RBFOX1: variants seen among roughly 807,000 people sequenced by gnomAD.
The protein encoded by RBFOX1 is RNA binding fox-1 homolog 1, also known as RNA binding protein fox-1 homolog 1.
Under a neutral mutation model 57.7 loss-of-function variants are expected in RBFOX1, and 8 were observed. That is an observed-to-expected ratio of 0.14 (90% CI 0.08 to 0.25). The LOEUF (loss-of-function observed/expected upper bound fraction) is 0.25, where lower values mean the gene tolerates loss of function less well. Ranked by LOEUF, RBFOX1 falls within the 10% of genes least tolerant of loss-of-function variation. The probability of loss-of-function intolerance (pLI) is 1.00; values close to 1 mark genes in which losing one functional copy is unlikely to be tolerated. For missense variants in RBFOX1, 611 were observed against 548.5 expected, an observed-to-expected ratio of 1.11 and a Z score of -1.14; for synonymous variants, 326 against 222.4, an observed-to-expected ratio of 1.47 and a Z score of -4.15.
Position 6,503,181 on chromosome 16 carries a change from T to G in RBFOX1, c.-63-151422T>G, listed in dbSNP as rs149648881. The stretch of plus-strand genomic sequence containing the variant: ...ATACTACCAATTTATTATATGTGAT[T>G]TTTTTATTATTTGTTTTCATAACAT... On this transcript the variant is annotated intron_variant, in intron 2 of 15. Coordinates refer to ENST00000550418, the MANE Select transcript of RBFOX1 (RefSeq NM_018723.4). Among the ~76,000 whole-genome samples the G allele has an allele frequency of 7.0e-3, 1,015 of 145,830 alleles. 9 individuals carry two copies. Among genetic ancestry groups the G allele is most frequent in the African/African-American group, 0.024 (955 of 40,286 alleles).
chr16:7,341,150 T>TCA (rs776376084), intron 4 of RBFOX1, among the ~76,000 whole-genome samples: 1 of 152,232 alleles, frequency 6.6e-6, no homozygotes, highest in East Asian at 1.9e-4. Context: ...GATAGACCTC[T>TCA]CACACACACA....
chr16:6,864,587 C>T (rs373376651), intron 3 of RBFOX1, among the ~76,000 whole-genome samples: 59 of 148,022 alleles, frequency 4.0e-4, no homozygotes, highest in African/African-American at 1.4e-3. Context: ...TACATCAAAA[C>T]AGGCTGGATG....
chr16:7,224,497 G>A (rs1217397987), intron 4 of RBFOX1, among the ~76,000 whole-genome samples: 1 of 151,438 alleles, frequency 6.6e-6, no homozygotes, highest in East Asian at 1.9e-4. Flanking sequence ...TAAAAATACT[G>A]CTACCTGGGA....
chr16:6,509,597 G>C (rs891508964), intron 2 of RBFOX1, among the ~76,000 whole-genome samples: 1 of 152,162 alleles, frequency 6.6e-6, no homozygotes, highest in Non-Finnish European at 1.5e-5. Context: ...TAGTTAAAAA[G>C]AACGAATAAG....
intron 3 of RBFOX1, among the ~76,000 whole-genome samples, chr16:5,652,598 C>T (rs572828396): frequency 3.0e-4 from 46 of 152,326 alleles, no homozygotes; most frequent in Middle Eastern, 6.8e-3. Flanking sequence ...AGTCTTTGCA[C>T]GTCCTCCTCT....
chr16:6,735,483 A>G (rs937322791), intron 3 of RBFOX1, among the ~76,000 whole-genome samples: 1 of 152,242 alleles, frequency 6.6e-6, no homozygotes. Flanking sequence ...TTCAGAGTAT[A>G]CATATTTCAA....
intron 2 of RBFOX1, among the ~76,000 whole-genome samples, chr16:5,504,852 G>T (rs1235778755): frequency 6.6e-6 from 1 of 152,214 alleles, no homozygotes; most frequent in African/African-American, 2.4e-5. Flanking sequence ...GCTGACCCCT[G>T]TGGAGAAGGA....
intron 3 of RBFOX1, among the ~76,000 whole-genome samples, chr16:6,817,311 C>G (rs1486163722): frequency 1.3e-5 from 2 of 152,020 alleles, no homozygotes; most frequent in Non-Finnish European, 1.5e-5. Flanking sequence ...TAACCAAAGC[C>G]CCTCTCCCAT....
intron 3 of RBFOX1, among the ~76,000 whole-genome samples, chr16:6,857,459 C>G (rs1352502078): frequency 1.3e-5 from 2 of 152,182 alleles, no homozygotes; most frequent in Non-Finnish European, 2.9e-5. Flanking sequence ...TTTCTATTTA[C>G]ATGGTTTATT....
intron 1 of RBFOX1, among the ~76,000 whole-genome samples, chr16:5,415,992 G>C (rs754253703): frequency 3.3e-5 from 5 of 152,182 alleles, no homozygotes; most frequent in Admixed American, 6.5e-5. Context: ...GTAACGCAGT[G>C]ATAGTGTTAC....
chr16:5,362,960 C>G (rs2065595519), intron 1 of RBFOX1, among the ~76,000 whole-genome samples: 1 of 151,540 alleles, frequency 6.6e-6, no homozygotes, highest in Non-Finnish European at 1.5e-5. Flanking sequence ...GTTTTTAAAC[C>G]TTGGCTATTG....
At chr16:5,346,082 A>T (rs892763579) in intron 1 of RBFOX1, among the ~76,000 whole-genome samples, 4 of 152,150 alleles carry the variant, frequency 2.6e-5, no homozygotes, top group Admixed American at 6.5e-5. Flanking sequence ...GCAGCCCACT[A>T]CCTGGTGAAG....
intron 5 of RBFOX1, among the ~76,000 whole-genome samples, chr16:7,579,235 C>T (rs1006396370): frequency 6.6e-6 from 1 of 152,164 alleles, no homozygotes; most frequent in East Asian, 1.9e-4. Context: ...ATTTGAACTC[C>T]AGAATGCCAA....
chr16:6,371,280 T>C (rs1002444353), intron 2 of RBFOX1, among the ~76,000 whole-genome samples: 6 of 152,224 alleles, frequency 3.9e-5, no homozygotes, highest in African/African-American at 1.4e-4. Context: ...TCTGAGTCAA[T>C]TATGATTATT....
chr16:6,722,799 C>G (rs369573186), intron 3 of RBFOX1, among the ~76,000 whole-genome samples: 2 of 152,118 alleles, frequency 1.3e-5, no homozygotes, highest in African/African-American at 4.8e-5. Flanking sequence ...CATTATTTAT[C>G]TCAGCGGCCA....
intron 2 of RBFOX1, among the ~76,000 whole-genome samples, chr16:5,540,124 AAAAC>A (rs2044871001): frequency 6.6e-6 from 1 of 152,318 alleles, no homozygotes; most frequent in East Asian, 1.9e-4. Context: ...GCTGAACAGA[AAAAC>A]AAAGGAAGCC....
rs749107631 is a variant in RBFOX1 at position 6,497,561 on chromosome 16, TAAAAA to T, written c.-63-157030_-63-157026del. Among the ~76,000 whole-genome samples, 446 of 149,804 alleles carry T rather than the reference TAAAAA, an allele frequency of 3.0e-3. 5 individuals are homozygous for T. Among genetic ancestry groups the T allele is most frequent in the South Asian group, 9.5e-3 (45 of 4,724 alleles). On this transcript the variant is annotated intron_variant, in intron 2 of 15. Transcript: ENST00000550418. ...CCTTTACACCGATTTTTGAAGTTTT[TAAAAA>T]AAAAAAAAAAACAGAGTTTTGCTCT...
chr16:6,866,507 A>T (rs893382700), intron 3 of RBFOX1, among the ~76,000 whole-genome samples: 19 of 150,972 alleles, frequency 1.3e-4, no homozygotes, highest in African/African-American at 3.9e-4. Flanking sequence ...CTTTTTTTAA[A>T]AAAAAAAATA....
intron 4 of RBFOX1, among the ~76,000 whole-genome samples, chr16:5,899,226 C>G (rs2058247026): frequency 6.6e-6 from 1 of 150,742 alleles, no homozygotes; most frequent in Non-Finnish European, 1.5e-5. Context: ...TTGATATATA[C>G]TGATGAGAAA....
Sources: allele counts gnomAD v4.1 joint callset (sites outside exome capture counted in the v4.1 genomes callset), GRCh38; gene constraint gnomAD v4.1.1; transcripts MANE v1.5; gene names NCBI Gene and HGNC (gene_info 2026-07-23, HGNC 2026-07-21).